The following WIPF3 variants were observed in gnomAD, a reference collection of about 807,000 sequenced individuals.
The protein encoded by WIPF3 is WAS/WASL-interacting protein family member 3.
In WIPF3, 33 loss-of-function variants were observed where a neutral mutation model predicts 38.9. That is an observed-to-expected ratio of 0.85 (90% CI 0.64 to 1.14). The LOEUF is 1.14. WIPF3 is among the 50% of genes most tolerant of loss of function. The pLI is 0.00. For synonymous variants in WIPF3, 324 were observed against 269.3 expected (o/e 1.20, Z -1.99); for missense variants, 711 against 652.5 (o/e 1.09, Z -0.98).
intron 2 of WIPF3, among the ~76,000 whole-genome samples, chr7:29,847,223 G>A (rs1186140178): frequency 2.0e-5 from 3 of 152,148 alleles, no homozygotes; most frequent in Admixed American, 6.5e-5. Context: ...ATCTTGGACC[G>A]ACATGTTCAG....
chr7:29,835,900 A>C (rs1302421021), intron 2 of WIPF3, among the ~76,000 whole-genome samples: 1 of 152,136 alleles, frequency 6.6e-6, no homozygotes, highest in East Asian at 1.9e-4. Flanking sequence ...TGCAGATGAC[A>C]TGGCCCTGAG....
At chr7:29,871,812 G>A (rs1311575265) in intron 2 of WIPF3, among the ~76,000 whole-genome samples, 1 of 152,068 alleles carries the variant, frequency 6.6e-6, no homozygotes, top group Non-Finnish European at 1.5e-5. Flanking sequence ...TTCAATTTTT[G>A]TATTTCTAAT....
At chr7:29,887,958 C>T (rs1042597468) in intron 5 of WIPF3, 110 bp from the exon 6 acceptor site, 35 of 1,392,768 alleles carry the variant, frequency 2.5e-5, no homozygotes, top group Admixed American at 1.8e-4. Context: ...CCCTTTTACT[C>T]GCTGTATCAT....
rs574371695 is a variant in WIPF3, at chr7:29,814,245, T to A, written c.-58+7567T>A. Among the ~76,000 whole-genome samples the A allele has an allele frequency of 7.2e-5, 11 of 152,342 alleles. No homozygotes were observed. The East Asian group carries it at 1.7e-3, about 24-fold the overall frequency. On this transcript the variant is annotated intron_variant, in intron 1 of 8. Coordinates refer to ENST00000242140, the MANE Select transcript of WIPF3 (RefSeq NM_001080529.3). ...CATATATTGGAACTTATTTTGTGTT[T>A]TCTTGTATACCCTGTGCTTTATTAT...
At chr7:29,835,472 A>G (rs558767535) in intron 2 of WIPF3, among the ~76,000 whole-genome samples, 154 of 152,186 alleles carry the variant, frequency 1.0e-3, no homozygotes, top group Non-Finnish European at 1.3e-3. Context: ...GGGCTGTCCT[A>G]TGCATTGTAG....
rs180925306 is a variant in WIPF3, at chr7:29,827,458, A to G, written c.-57-7210A>G. Among the ~76,000 whole-genome samples, 51 of 152,338 alleles carry G rather than the reference A, an allele frequency of 3.3e-4. No homozygotes were observed. In the Middle Eastern group the frequency reaches 0.01, roughly 30 times the overall value. ...TACTTATAGCTTTAGAAACTTTACTACATTTACGTTGAGAACCCTTTATTT... is the reference window on the plus strand; with the variant it reads ...TACTTATAGCTTTAGAAACTTTACTGCATTTACGTTGAGAACCCTTTATTT... On this transcript the variant is annotated intron_variant, in intron 1 of 8. Coordinates refer to ENST00000242140, the MANE Select transcript of WIPF3 (RefSeq NM_001080529.3).
In WIPF3 at chr7:29,895,210, G is replaced by A. The variant is rs553659512; in HGVS notation, c.1351+5803G>A. On this transcript the variant is annotated intron_variant, in intron 7 of 8. Coordinates refer to ENST00000242140, the MANE Select transcript of WIPF3 (RefSeq NM_001080529.3). ...CCCACCTCGGCAACTCAAAGTGTTG[G>A]GTGGGTGAGCCACCGCACCCAGCCT... 1.1e-4 allele frequency among the ~76,000 whole-genome samples: 16 copies of A among 152,084 alleles called. No individual in the cohort carries two copies. The East Asian group carries it at 2.7e-3, about 26-fold the overall frequency.
chr7:29,809,579 GAAGAGGC>G (rs1733591384), intron 1 of WIPF3, among the ~76,000 whole-genome samples: 1 of 152,246 alleles, frequency 6.6e-6, no homozygotes, highest in Admixed American at 6.5e-5. Context: ...GTACAAAACC[GAAGAGGC>G]ATGCCTTTCC....
intron 2 of WIPF3, among the ~76,000 whole-genome samples, chr7:29,864,453 T>C (rs537453945): frequency 6.6e-6 from 1 of 152,318 alleles, no homozygotes; most frequent in Admixed American, 6.5e-5. Context: ...ACGTTTGCGT[T>C]CAGTTGTGTA....
intron 1 of WIPF3, among the ~76,000 whole-genome samples, chr7:29,833,531 T>C (rs1784754537): frequency 6.6e-6 from 1 of 152,178 alleles, no homozygotes; most frequent in Non-Finnish European, 1.5e-5. Context: ...TTGCCATTTA[T>C]AAAAAGATAA....
At chr7:29,911,968 A>C (rs1786513070) in intron 8 of WIPF3, among the ~76,000 whole-genome samples, 1 of 152,200 alleles carries the variant, frequency 6.6e-6, no homozygotes, top group Non-Finnish European at 1.5e-5. Context: ...TGCATATCAA[A>C]GACAATATAA....
At chr7:29,835,410 A>T (rs1197130216) in intron 2 of WIPF3, among the ~76,000 whole-genome samples, 1 of 152,042 alleles carries the variant, frequency 6.6e-6, no homozygotes, top group Non-Finnish European at 1.5e-5. Flanking sequence ...TGGAACAGGG[A>T]TTCTCAGCCT....
At chr7:29,876,080 C>CAGA (rs1785591035) in intron 3 of WIPF3, 118 bp downstream of exon 3, 2 of 1,360,092 alleles carry the variant, frequency 1.5e-6, no homozygotes, top group Non-Finnish European at 2.0e-6. Flanking sequence ...ATGGAGCCAT[C>CAGA]TCAGACCTGC....
At chr7:29,865,776 TC>T in intron 2 of WIPF3, among the ~76,000 whole-genome samples, 1 of 152,260 alleles carries the variant, frequency 6.6e-6, no homozygotes, top group African/African-American at 2.4e-5. Flanking sequence ...TAGCTGTGAG[TC>T]ATTGTTTCTC....
chr7:29,892,578 C>A (rs1383870493), intron 7 of WIPF3, among the ~76,000 whole-genome samples: 2 of 152,212 alleles, frequency 1.3e-5, no homozygotes, highest in Admixed American at 6.5e-5. Context: ...GTCCTTAATG[C>A]AGAGAGTTTC....
rs1437153289 is a variant in WIPF3, at chr7:29,879,144, A to G, written c.355+4A>G. The G allele has an allele frequency of 5.6e-6, 9 of 1,609,006 alleles. No individual in the cohort carries two copies. In the Middle Eastern group the frequency reaches 5.8e-4, roughly 103 times the overall value. On this transcript the variant is annotated splice_donor_region_variant and intron_variant, in intron 4 of 8. Transcript: ENST00000242140. ...GCAGGCCAGCGGGATGTAGCAGGTA[A>G]GGAAGAATTCATTCTGGCTCCCTTG...
chr7:29,808,727 A>C (rs1784326099), intron 1 of WIPF3, among the ~76,000 whole-genome samples: 1 of 151,526 alleles, frequency 6.6e-6, no homozygotes, highest in Non-Finnish European at 1.5e-5. Flanking sequence ...GTGTGTGTCT[A>C]AGAACATACA....
intron 1 of WIPF3, among the ~76,000 whole-genome samples, chr7:29,828,093 C>G (rs1784652677): frequency 1.3e-5 from 2 of 152,244 alleles, no homozygotes; most frequent in South Asian, 2.1e-4. Context: ...GCCACTGCAC[C>G]CAGCCCACAT....
At chr7:29,902,501 A>G (rs1786308385) in intron 7 of WIPF3, among the ~76,000 whole-genome samples, 1 of 151,986 alleles carries the variant, frequency 6.6e-6, no homozygotes, top group African/African-American at 2.4e-5. Flanking sequence ...GGTTTTTATA[A>G]TGACTTATAT....
Sources: allele counts gnomAD v4.1 joint callset (sites outside exome capture counted in the v4.1 genomes callset), GRCh38; gene constraint gnomAD v4.1.1; transcripts MANE v1.5; gene names NCBI Gene and HGNC (gene_info 2026-07-23, HGNC 2026-07-21).